LIMS1: variants seen among roughly 807,000 people sequenced by gnomAD.
LIMS1 encodes LIM and senescent cell antigen-like-containing domain protein 1.
In LIMS1, 18 loss-of-function variants were observed where a neutral mutation model predicts 44.1. The ratio of observed to expected loss-of-function variants is 0.41; its 90% CI spans 0.28 to 0.61. LIMS1 has a LOEUF of 0.61. Among genes scored for constraint, LIMS1 ranks in the 20% least tolerant of loss-of-function variants. The pLI is 0.32. For missense variants in LIMS1, 201 were observed against 422.0 expected (o/e 0.48, Z 4.59); for synonymous variants, 93 against 149.1 (o/e 0.62, Z 2.74).
At chr2:108,540,700 A>G (rs1321696692) in intron 1 of LIMS1, among the ~76,000 whole-genome samples, 2 of 152,224 alleles carry the variant, frequency 1.3e-5, no homozygotes, top group Admixed American at 6.5e-5. Context: ...CCCCTGCATT[A>G]GCCCTTTATT....
At chr2:108,614,809 A>C (rs1250308878) in intron 1 of LIMS1, among the ~76,000 whole-genome samples, 1 of 152,162 alleles carries the variant, frequency 6.6e-6, no homozygotes, top group African/African-American at 2.4e-5. Flanking sequence ...GTGAAAGTTG[A>C]TGTGTTGACA....
intron 1 of LIMS1, among the ~76,000 whole-genome samples, chr2:108,609,100 G>A (rs574214913): frequency 2.0e-5 from 3 of 152,278 alleles, no homozygotes; most frequent in South Asian, 2.1e-4. Flanking sequence ...TCTCCCAAGA[G>A]TAATAGAAAA....
At chr2:108,548,310 G>A (rs1413984394) in intron 1 of LIMS1, among the ~76,000 whole-genome samples, 1 of 151,526 alleles carries the variant, frequency 6.6e-6, no homozygotes, top group East Asian at 1.9e-4. Context: ...TTCAATGCTG[G>A]CTAACCCACA....
intron 1 of LIMS1, among the ~76,000 whole-genome samples, chr2:108,644,172 GCCT>G: frequency 6.6e-6 from 1 of 152,272 alleles, no homozygotes; most frequent in Middle Eastern, 3.4e-3. Flanking sequence ...GGGACAGCCT[GCCT>G]CCTCAAGTGG....
intron 1 of LIMS1, among the ~76,000 whole-genome samples, chr2:108,573,403 C>T (rs1475572430): frequency 6.6e-6 from 1 of 151,148 alleles, no homozygotes; most frequent in Non-Finnish European, 1.5e-5. Context: ...GTTATTTTGG[C>T]GTAAGAAATG....
chr2:108,668,547 C>G (rs1691948634), intron 2 of LIMS1, among the ~76,000 whole-genome samples: 1 of 152,134 alleles, frequency 6.6e-6, no homozygotes, highest in Admixed American at 6.5e-5. Context: ...GGATCTCATT[C>G]TTTTTTATGG....
At chr2:108,550,292 G>A (rs1684637204) in intron 1 of LIMS1, among the ~76,000 whole-genome samples, 1 of 150,684 alleles carries the variant, frequency 6.6e-6, no homozygotes, top group African/African-American at 2.4e-5. Context: ...TCAGGAGATC[G>A]AGACCATCCT....
intron 1 of LIMS1, among the ~76,000 whole-genome samples, chr2:108,589,590 G>A (rs1686278255): frequency 6.6e-6 from 1 of 152,130 alleles, no homozygotes; most frequent in Non-Finnish European, 1.5e-5. Flanking sequence ...TCCATGAGGT[G>A]TAATATTAGG....
intron 1 of LIMS1, among the ~76,000 whole-genome samples, chr2:108,555,096 C>T (rs1481531285): frequency 6.6e-6 from 1 of 152,156 alleles, no homozygotes; most frequent in African/African-American, 2.4e-5. Context: ...CCATGAGAAT[C>T]CATTCTTTAA....
intron 1 of LIMS1, among the ~76,000 whole-genome samples, chr2:108,635,474 C>CAGG (rs969463245): frequency 1.4e-5 from 2 of 142,410 alleles, no homozygotes; most frequent in African/African-American, 5.2e-5. Context: ...CCCAGCACTT[C>CAGG]AGGAGGCCAA....
intron 1 of LIMS1, among the ~76,000 whole-genome samples, chr2:108,627,988 C>G (rs1398294119): frequency 6.6e-6 from 1 of 152,206 alleles, no homozygotes; most frequent in Admixed American, 6.5e-5. Flanking sequence ...CACCAGAAGT[C>G]AGAAACCAGC....
chr2:108,563,046 A>G (rs1345868753), intron 1 of LIMS1, among the ~76,000 whole-genome samples: 1 of 152,246 alleles, frequency 6.6e-6, no homozygotes, highest in Non-Finnish European at 1.5e-5. Context: ...CTGGATGACC[A>G]CATATGTGTG....
At chr2:108,618,393 C>G (rs1474470258) in intron 1 of LIMS1, among the ~76,000 whole-genome samples, 2 of 152,154 alleles carry the variant, frequency 1.3e-5, no homozygotes, top group African/African-American at 4.8e-5. Flanking sequence ...GGGGACTCCT[C>G]CCTGTCTTTG....
chr2:108,558,225 T>C (rs1161536924), intron 1 of LIMS1, among the ~76,000 whole-genome samples: 1 of 150,396 alleles, frequency 6.6e-6, no homozygotes, highest in African/African-American at 2.4e-5. Flanking sequence ...TTTTTTTCTT[T>C]TTTTTTTTTT....
chr2:108,681,653 G>T (rs745318039), intron 9 of LIMS1: 1 of 909,282 alleles, frequency 1.1e-6, no homozygotes, highest in African/African-American at 1.8e-5. Flanking sequence ...AGGCATGGTG[G>T]CTCACGCCTG....
intron 1 of LIMS1, among the ~76,000 whole-genome samples, chr2:108,642,381 A>C (rs1689751821): frequency 1.0e-5 from 1 of 96,740 alleles, no homozygotes; most frequent in African/African-American, 4.2e-5. Flanking sequence ...TTTTTTTGAG[A>C]CGGAGTCTCG....
At chr2:108,570,452 T>C (rs1001157326) in intron 1 of LIMS1, among the ~76,000 whole-genome samples, 5 of 152,024 alleles carry the variant, frequency 3.3e-5, no homozygotes, top group African/African-American at 1.2e-4. Flanking sequence ...TAATACTATA[T>C]TCTCTTTGGC....
intron 1 of LIMS1, among the ~76,000 whole-genome samples, chr2:108,631,537 T>C (rs796176883): frequency 9.6e-5 from 14 of 145,764 alleles, no homozygotes; most frequent in African/African-American, 3.4e-4. Context: ...TGGATGCTAA[T>C]CTACCGTGTT....
chr2:108,542,277 C>T (rs1332690540), intron 1 of LIMS1, among the ~76,000 whole-genome samples: 2 of 152,176 alleles, frequency 1.3e-5, no homozygotes, highest in African/African-American at 4.8e-5. Context: ...GTTTAGTTTC[C>T]TCCTAGGCCA....
Sources: gnomAD v4.1 joint callset for allele counts (sites outside exome capture counted in the v4.1 genomes callset) on GRCh38, gnomAD v4.1.1 for gene constraint, MANE v1.5 for transcripts, NCBI Gene and HGNC (gene_info 2026-07-23, HGNC 2026-07-21) for gene names.